Variants in PSMA5 observed in about 807,000 individuals in gnomAD.
PSMA5 encodes proteasome 20S subunit alpha 5, also known as proteasome subunit alpha type-5.
A neutral mutation model predicts 34.5 loss-of-function variants in PSMA5; 3 were observed. The observed-to-expected ratio is 0.09, with a 90% confidence interval of 0.04 to 0.22. PSMA5 has a LOEUF of 0.22. Ranked by LOEUF, PSMA5 falls within the 10% of genes least tolerant of loss-of-function variation. PSMA5 has a pLI of 1.00. For missense variants in PSMA5, 120 were observed against 286.1 expected (o/e 0.42, Z 4.19); for synonymous variants, 88 against 95.8 (o/e 0.92, Z 0.47).
At chr1:109,424,416 C>G (rs1392312793) in intron 1 of PSMA5, among the ~76,000 whole-genome samples, 1 of 152,192 alleles carries the variant, frequency 6.6e-6, no homozygotes, top group African/African-American at 2.4e-5. Flanking sequence ...TGAGCTCAGG[C>G]AATCCTGCCT....
chr1:109,418,498 G>A lies in PSMA5; in HGVS notation c.97-3135C>T, dbSNP rs575950713. On this transcript the variant is annotated intron_variant, in intron 2 of 8. Coordinates refer to ENST00000271308, the MANE Select transcript of PSMA5 (RefSeq NM_002790.4). ...ACTCAACTAATTTTTTAAATTTTTT[G>A]TGAAGACAAAGTCTCACTATGTTGC... is the stretch of plus-strand genomic sequence containing the variant. Among the ~76,000 whole-genome samples the A allele has an allele frequency of 1.3e-3, 198 of 152,186 alleles. 2 individuals are homozygous for A. Among genetic ancestry groups the A allele is most frequent in the South Asian group, 8.9e-3 (43 of 4,828 alleles).
intron 8 of PSMA5, among the ~76,000 whole-genome samples, chr1:109,408,650 T>C (rs2100958160): frequency 6.6e-6 from 1 of 152,224 alleles, no homozygotes; most frequent in East Asian, 1.9e-4. Flanking sequence ...ACCTCTTCTA[T>C]AACTTTTCCA....
At chr1:109,410,945 C>T (rs1653961755) in intron 7 of PSMA5, 66 bp downstream of exon 7, 5 of 1,241,358 alleles carry the variant, frequency 4.0e-6, no homozygotes, top group Non-Finnish European at 5.8e-6. Flanking sequence ...AAGGTTTGCA[C>T]ATTTTATTAT....
chr1:109,423,936 C>T (rs565776940), intron 1 of PSMA5, among the ~76,000 whole-genome samples: 5 of 152,336 alleles, frequency 3.3e-5, no homozygotes, highest in South Asian at 2.1e-4. Flanking sequence ...TCCTTAGCCT[C>T]GTATTAAAAA....
chr1:109,424,325 C>G (rs947979840), intron 1 of PSMA5, among the ~76,000 whole-genome samples: 1 of 151,846 alleles, frequency 6.6e-6, no homozygotes, highest in South Asian at 2.1e-4. Context: ...ACAAGGTCAG[C>G]GCCACCACAC....
At chr1:109,414,323 C>A (rs912860488) in intron 3 of PSMA5, among the ~76,000 whole-genome samples, 1 of 152,216 alleles carries the variant, frequency 6.6e-6, no homozygotes, top group South Asian at 2.1e-4. Flanking sequence ...GCCCCACTAC[C>A]GCTGACTCCA....
chr1:109,407,193 T>C (rs1653802091), intron 8 of PSMA5, among the ~76,000 whole-genome samples: 1 of 152,182 alleles, frequency 6.6e-6, no homozygotes, highest in Admixed American at 6.5e-5. Context: ...TTCACCCTGT[T>C]AGCCAGGATG....
chr1:109,416,864 G>C (rs1450196966), intron 2 of PSMA5, among the ~76,000 whole-genome samples: 1 of 152,202 alleles, frequency 6.6e-6, no homozygotes, highest in Non-Finnish European at 1.5e-5. Flanking sequence ...CAGCACTTTG[G>C]GAGGCTGAGG....
intron 2 of PSMA5, among the ~76,000 whole-genome samples, chr1:109,419,571 G>A (rs1366486006): frequency 2.6e-5 from 4 of 152,158 alleles, no homozygotes; most frequent in African/African-American, 7.2e-5. Flanking sequence ...CTGGGAGGCA[G>A]AGGCAGGTGG....
intron 2 of PSMA5, among the ~76,000 whole-genome samples, chr1:109,420,898 C>T (rs113465825): frequency 1.3e-3 from 198 of 151,724 alleles, no homozygotes; most frequent in African/African-American, 4.4e-3. Context: ...ATCCAGTCCA[C>T]GCCAGGTGTG....
chr1:109,406,648 T>C (rs1279643906), intron 8 of PSMA5, among the ~76,000 whole-genome samples: 1 of 152,136 alleles, frequency 6.6e-6, no homozygotes, highest in East Asian at 1.9e-4. Context: ...GTCTAGGCAA[T>C]ACAGCCAGAC....
chr1:109,424,689 G>C lies in PSMA5; in HGVS notation c.29+1613C>G, dbSNP rs571832961. ...ACTCAGGACGCTGAGTCAGAGAATT[G>C]CTTAAACCCAGGCGGCAGGCCAGGC... On this transcript the variant is annotated intron_variant, in intron 1 of 8. Transcript: ENST00000271308. Among the ~76,000 whole-genome samples, 3 of 150,846 alleles carry C rather than the reference G, an allele frequency of 2.0e-5. No homozygotes were observed. In the East Asian group the frequency reaches 5.9e-4, roughly 30 times the overall value.
chr1:109,403,527 G>A (rs977676102), intron 8 of PSMA5, among the ~76,000 whole-genome samples: 6 of 152,004 alleles, frequency 3.9e-5, no homozygotes, highest in Non-Finnish European at 8.8e-5. Context: ...GTACTCAGGA[G>A]GCTGAGGTGG....
At chr1:109,423,236 C>T (rs572204698) in intron 1 of PSMA5, among the ~76,000 whole-genome samples, 5 of 152,160 alleles carry the variant, frequency 3.3e-5, no homozygotes, top group South Asian at 4.1e-4. Flanking sequence ...GTCAGGAGTT[C>T]GAGACCAGGC....
At chr1:109,418,385 C>T (rs570184624) in intron 2 of PSMA5, among the ~76,000 whole-genome samples, 2 of 152,124 alleles carry the variant, frequency 1.3e-5, no homozygotes, top group Non-Finnish European at 1.5e-5. Context: ...GGCACAATCA[C>T]GTCTCATGGA....
chr1:109,412,450 T>C, intron 4 of PSMA5: 1 of 353,988 alleles, frequency 2.8e-6, no homozygotes, highest in Non-Finnish European at 5.2e-6. Context: ...AGCACCAAGT[T>C]TACTCTTTCA....
At chr1:109,418,091 G>A (rs1301677549) in intron 2 of PSMA5, among the ~76,000 whole-genome samples, 1 of 152,028 alleles carries the variant, frequency 6.6e-6, no homozygotes, top group Non-Finnish European at 1.5e-5. Context: ...TGGGTGTGGT[G>A]GCATGTGCCT....
intron 2 of PSMA5, among the ~76,000 whole-genome samples, chr1:109,418,168 C>T (rs1245984707): frequency 1.3e-5 from 2 of 152,008 alleles, no homozygotes; most frequent in Non-Finnish European, 2.9e-5. Flanking sequence ...GAGCTGTGAT[C>T]GTACCACTGC....
At chr1:109,417,655 A>T (rs573520267) in intron 2 of PSMA5, among the ~76,000 whole-genome samples, 135 of 152,290 alleles carry the variant, frequency 8.9e-4, no homozygotes, top group African/African-American at 3.1e-3. Flanking sequence ...TTTCCAAACC[A>T]AATGTTAAGA....
Sources: allele counts gnomAD v4.1 joint callset (sites outside exome capture counted in the v4.1 genomes callset), GRCh38; gene constraint gnomAD v4.1.1; transcripts MANE v1.5; gene names NCBI Gene and HGNC (gene_info 2026-07-23, HGNC 2026-07-21).